Variants in BICC1 observed in about 807,000 individuals in gnomAD.
The protein encoded by BICC1 is BicC family RNA binding protein 1.
A neutral mutation model predicts 111.0 loss-of-function variants in BICC1; 43 were observed. That is an observed-to-expected ratio of 0.39 (90% confidence interval 0.30 to 0.50). The LOEUF is 0.50. Ranked by LOEUF, BICC1 falls within the 20% of genes least tolerant of loss-of-function variation. The pLI is 0.88. For missense variants in BICC1, 1,091 were observed against 1,203.2 expected, an observed-to-expected ratio of 0.91 and a Z score of 1.38; for synonymous variants, 467 against 434.4, an observed-to-expected ratio of 1.07 and a Z score of -0.93.
In BICC1 at chr10:58,769,404, G is replaced by GTATATATATATATATA. The variant is rs59606054; in HGVS notation, c.308-15590_308-15575dup. 4.5e-3 allele frequency among the ~76,000 whole-genome samples: 498 copies of GTATATATATATATATA among 109,680 alleles called. 3 individuals are homozygous for GTATATATATATATATA. The highest frequency in any genetic ancestry group is 0.021 in the East Asian group (68 of 3,238). The allele number at this position is 109,680 out of a possible 152,430, so 72.0% of individuals were successfully genotyped here. A position where few individuals can be genotyped will look rare whatever the true frequency, so the allele number is the denominator to read the frequency against. On this transcript the variant is annotated intron_variant, in intron 3 of 20. Transcript: ENST00000373886. ...TGTGTGTGTGTGTGTGTGTGTGTGTGTATATATATATATATATATATAATC... is the reference window on the plus strand; with the variant it reads ...TGTGTGTGTGTGTGTGTGTGTGTGTGTATATATATATATATATATATATATATATATATATATAATC...
chr10:58,515,877 A>G (rs867008529), intron 1 of BICC1, among the ~76,000 whole-genome samples: 2 of 152,222 alleles, frequency 1.3e-5, no homozygotes, highest in South Asian at 4.1e-4. Flanking sequence ...AATAATAAAT[A>G]TTGCATCATG....
chr10:58,566,275 T>C (rs1457156974), intron 1 of BICC1, among the ~76,000 whole-genome samples: 2 of 62,420 alleles, frequency 3.2e-5, no homozygotes, highest in African/African-American at 4.3e-5. Flanking sequence ...TATGTATATA[T>C]GTATAGATAC....
At chr10:58,569,546 C>A (rs1046893810) in intron 1 of BICC1, among the ~76,000 whole-genome samples, 1 of 152,114 alleles carries the variant, frequency 6.6e-6, no homozygotes, top group Non-Finnish European at 1.5e-5. Context: ...CCCCTAGGCT[C>A]CCACCCCCTG....
At chr10:58,767,606 C>T (rs780385011) in intron 3 of BICC1, among the ~76,000 whole-genome samples, 56 of 152,088 alleles carry the variant, frequency 3.7e-4, no homozygotes, top group African/African-American at 1.3e-3. Context: ...ACAAATTACC[C>T]GACAAGGAAT....
At chr10:58,683,326 A>T (rs1433605143) in intron 2 of BICC1, among the ~76,000 whole-genome samples, 2 of 152,192 alleles carry the variant, frequency 1.3e-5, no homozygotes, top group East Asian at 3.9e-4. Flanking sequence ...TGATGTGTCC[A>T]GTTTTGTTCT....
chr10:58,542,750 A>T (rs924678085), intron 1 of BICC1, among the ~76,000 whole-genome samples: 1 of 152,146 alleles, frequency 6.6e-6, no homozygotes, highest in African/African-American at 2.4e-5. Flanking sequence ...GAAAATATAA[A>T]CATCGGCATG....
At chr10:58,642,109 G>C (rs978029474) in intron 2 of BICC1, among the ~76,000 whole-genome samples, 1 of 152,204 alleles carries the variant, frequency 6.6e-6, no homozygotes, top group African/African-American at 2.4e-5. Context: ...TAAGTGAATA[G>C]TAAATAGTTA....
Position 58,797,315 on chromosome 10 carries a change from T to C in BICC1, c.1366+789T>C, listed in dbSNP as rs370375159. Among the ~76,000 whole-genome samples the C allele has an allele frequency of 9.2e-5, 14 of 152,370 alleles. No homozygotes were observed. In the East Asian group the frequency reaches 2.7e-3, roughly 29 times the overall value. On this transcript the variant is annotated intron_variant, in intron 10 of 20. Coordinates refer to ENST00000373886, the MANE Select transcript of BICC1 (RefSeq NM_001080512.3). ...TGATTTGAGACAAAAAAGAATACTC[T>C]CAGCAGTCTTTAAAATTTTTTTTCC... is the stretch of plus-strand genomic sequence containing the variant.
chr10:58,551,200 T>G (rs1047655786), intron 1 of BICC1, among the ~76,000 whole-genome samples: 22 of 152,200 alleles, frequency 1.4e-4, no homozygotes, highest in African/African-American at 5.3e-4. Context: ...GCCTGGCATC[T>G]GGTAAGATCT....
intron 3 of BICC1, among the ~76,000 whole-genome samples, chr10:58,720,748 C>T (rs963088491): frequency 9.2e-5 from 14 of 152,166 alleles, no homozygotes; most frequent in South Asian, 4.2e-4. Flanking sequence ...TCCCGGGGTT[C>T]GGGGTGGACA....
intron 2 of BICC1, among the ~76,000 whole-genome samples, chr10:58,662,590 C>T (rs1165347781): frequency 6.6e-6 from 1 of 152,142 alleles, no homozygotes; most frequent in Non-Finnish European, 1.5e-5. Context: ...TGACTAGAAA[C>T]TCTGTCACTG....
At position 58,591,081 on chromosome 10, in the gene BICC1, AT is replaced by A. The variant is rs912135189; in HGVS notation, c.191-29765del. Among the ~76,000 whole-genome samples the A allele has an allele frequency of 4.6e-5, 7 of 150,962 alleles. No individual in the cohort carries two copies. In the East Asian group the frequency reaches 1.2e-3, roughly 25 times the overall value. On this transcript the variant is annotated intron_variant, in intron 1 of 20. Coordinates refer to ENST00000373886, the MANE Select transcript of BICC1 (RefSeq NM_001080512.3). ...CTTCATTAGTTACACCTGGCTCAGCATTTTTTTTTCTTTTCTGCACATCTGC... is the reference window on the plus strand; with the variant it reads ...CTTCATTAGTTACACCTGGCTCAGCATTTTTTTTCTTTTCTGCACATCTGC...
At chr10:58,820,531 A>G (rs1844223747) in intron 20 of BICC1, 63 bp downstream of exon 20, 1 of 1,255,888 alleles carries the variant, frequency 8.0e-7, no homozygotes, top group Admixed American at 1.7e-5. Flanking sequence ...GGTCTCAGCC[A>G]TTGGGTTGTT....
At chr10:58,823,272 G>T in intron 20 of BICC1, 1 of 985,272 alleles carries the variant, frequency 1.0e-6, no homozygotes, top group Middle Eastern at 5.2e-4. Flanking sequence ...GAGCTGCCAG[G>T]ATTGTGTGAA....
In BICC1 at chr10:58,537,693, T is replaced by G. The variant is rs181223256; in HGVS notation, c.190+24360T>G. 1.5e-4 allele frequency among the ~76,000 whole-genome samples: 23 copies of G among 151,884 alleles called. No homozygotes were observed. In the East Asian group the frequency reaches 3.7e-3, roughly 24 times the overall value. On this transcript the variant is annotated intron_variant, in intron 1 of 20. Transcript: ENST00000373886. ...ACTGGAAAAGAGGAAGTCAAACTTA[T>G]GTCTATTTGCTGATGATGTGATCAT...
chr10:58,664,576 A>G (rs1406496827), intron 2 of BICC1, among the ~76,000 whole-genome samples: 2 of 152,062 alleles, frequency 1.3e-5, no homozygotes, highest in Admixed American at 6.6e-5. Flanking sequence ...AATATTTTTC[A>G]TTAGATCCTT....
At chr10:58,597,293 A>G (rs1406357435) in intron 1 of BICC1, among the ~76,000 whole-genome samples, 1 of 152,122 alleles carries the variant, frequency 6.6e-6, no homozygotes, top group African/African-American at 2.4e-5. Flanking sequence ...AGGGGGTGTA[A>G]GAACAGGGAG....
intron 2 of BICC1, among the ~76,000 whole-genome samples, chr10:58,698,574 A>AC (rs1840134955): frequency 6.6e-6 from 1 of 152,154 alleles, no homozygotes; most frequent in South Asian, 2.1e-4. Flanking sequence ...GGCACACAGT[A>AC]CCATGATGGC....
At chr10:58,545,784 G>A (rs561544940) in intron 1 of BICC1, among the ~76,000 whole-genome samples, 5 of 152,196 alleles carry the variant, frequency 3.3e-5, no homozygotes, top group African/African-American at 1.2e-4. Context: ...ACGTTTCATG[G>A]TATGCCAGGG....
Sources: allele counts gnomAD v4.1 joint callset (sites outside exome capture counted in the v4.1 genomes callset), GRCh38; gene constraint gnomAD v4.1.1; transcripts MANE v1.5; gene names NCBI Gene and HGNC (gene_info 2026-07-23, HGNC 2026-07-21).